ROBO3: variants seen among roughly 807,000 people sequenced by gnomAD.
ROBO3 encodes the protein roundabout homolog 3.
In ROBO3, 97 loss-of-function variants were observed where a neutral mutation model predicts 160.5. The observed-to-expected ratio is 0.60, with a 90% CI of 0.51 to 0.72. ROBO3 has a LOEUF of 0.72. ROBO3 is among the 30% of genes least tolerant of loss of function. The probability of loss-of-function intolerance (pLI) is 0.00; values close to 1 mark genes in which losing one functional copy is unlikely to be tolerated. For synonymous variants in ROBO3, 780 were observed against 746.2 expected, an observed-to-expected ratio of 1.05 and a Z score of -0.74; for missense variants, 1,858 against 1,846.5, an observed-to-expected ratio of 1.01 and a Z score of -0.11.
intron 6 of ROBO3, 47 bp downstream of exon 6, chr11:124,870,775 GAGA>G (rs758334462): frequency 8.1e-6 from 13 of 1,596,240 alleles, no homozygotes; most frequent in African/African-American, 1.3e-5. Flanking sequence ...GGTAGGAGGG[GAGA>G]AGGAGGATGG....
At position 124,871,000 on chromosome 11, in the gene ROBO3, C is replaced by T. The variant is rs1348035624; in HGVS notation, c.1034-14C>T. The T allele has an allele frequency of 6.2e-7, 1 of 1,601,542 alleles. No individual in the cohort carries two copies. Among genetic ancestry groups the T allele is most frequent in the East Asian group, 2.2e-5 (1 of 44,538 alleles). ...TCTGACTACCTGTTCCTTTTTCTCA[C>T]CTGCCCTTCCCAGTCCCACCCCAGT... is the stretch of plus-strand genomic sequence containing the variant. On this transcript the variant is annotated splice_polypyrimidine_tract_variant and intron_variant, in intron 6 of 27. Transcript: ENST00000397801.
At chr11:124,867,283 C>G (rs1002054282) in intron 1 of ROBO3, among the ~76,000 whole-genome samples, 1 of 152,202 alleles carries the variant, frequency 6.6e-6, no homozygotes, top group Non-Finnish European at 1.5e-5. Context: ...AGAGTAGTGA[C>G]GTTTATCCCC....
rs1348186711 is a variant in ROBO3, at chr11:124,872,698, C to T, written c.1330+146C>T. On this transcript the variant is annotated intron_variant, in intron 8 of 27. Transcript: ENST00000397801. This position sits in a 1 kb window ranked among gnomAD's most constrained non-coding sequence, Gnocchi z 4.3. ...CATGACCTTGAAGTTTGGAAACCAG[C>T]AGCAGAAGCCACTAATAATGGCTGG... 2.0e-6 allele frequency: 2 copies of T among 996,102 alleles called. No homozygotes were observed. The highest frequency in any genetic ancestry group is 5.6e-5 in the Admixed American group (2 of 35,852). 61.7% of individuals were successfully genotyped at this position (996,102 alleles called of 1,614,324 possible).
intron 17 of ROBO3, 154 bp from the exon 18 acceptor site, chr11:124,877,007 G>T: frequency 1.2e-6 from 1 of 855,040 alleles, no homozygotes; most frequent in South Asian, 1.4e-5. Context: ...CGACACCTGA[G>T]TCCCACCCCC....
chr11:124,877,437 A>C, intron 19 of ROBO3, 82 bp from the exon 20 acceptor site: 2 of 1,591,918 alleles, frequency 1.3e-6, no homozygotes, highest in Non-Finnish European at 8.6e-7. Flanking sequence ...ACTGTCCTGA[A>C]ACTCCCGAAT....
rs752675666 is a variant in ROBO3, at chr11:124,876,166, G to GT, written c.2593+41_2593+42insT. The GT allele has an allele frequency of 1.9e-6, 3 of 1,559,652 alleles. No homozygotes were observed. The South Asian group carries it at 3.5e-5, about 18-fold the overall frequency. The stretch of plus-strand genomic sequence containing the variant: ...GGCAGTGCTGAGGATCTTGACGGGG[G>GT]CGGGGCAAGCCCCCCACTGGGGTAG... On this transcript the variant is annotated intron_variant, in intron 16 of 27. Coordinates refer to ENST00000397801, the MANE Select transcript of ROBO3 (RefSeq NM_022370.4). The surrounding 1 kb of genome is among the most constrained non-coding windows in gnomAD (Gnocchi z 5.3).
In ROBO3 at chr11:124,876,045, G is replaced by C. The variant is rs2135335004; in HGVS notation, c.2513G>C (p.Gly838Ala). 1.1e-5 allele frequency: 18 copies of C among 1,608,802 alleles called. No individual in the cohort carries two copies. The highest frequency in any genetic ancestry group is 1.4e-5 in the Non-Finnish European group (17 of 1,178,276). The change falls in exon 16 of 28, where the codon GGT (glycine) becomes GCT (alanine). Residue 838 changes from glycine to alanine, a missense_variant. Coordinates refer to ENST00000397801, the MANE Select transcript of ROBO3 (RefSeq NM_022370.4). The surrounding 1 kb of genome is among the most constrained non-coding windows in gnomAD (Gnocchi z 5.3). ...RSAMLRGLVP[G>A]LLYRTLVAAA... ...GCAATGCTCCGAGGACTGGTGCCCG[G>C]TCTCCTCTATCGAACCCTGGTCGCG...
At position 124,876,304 on chromosome 11, in the gene ROBO3, GA is replaced by G; in HGVS notation, c.2624del (p.Glu875GlyfsTer129). The G allele has an allele frequency of 6.9e-7, 1 of 1,458,358 alleles. No homozygotes were observed. The highest frequency in any genetic ancestry group is 8.9e-7 in the Non-Finnish European group (1 of 1,118,262). 90.3% of individuals were successfully genotyped at this position (1,458,358 alleles called of 1,614,324 possible). A position where few individuals can be genotyped will look rare whatever the true frequency, so the allele number is the denominator to read the frequency against. On this transcript the variant is annotated frameshift_variant, in exon 17 of 28. Coordinates refer to ENST00000397801, the MANE Select transcript of ROBO3 (RefSeq NM_022370.4). LOFTEE classifies it high-confidence loss of function. This position sits in a 1 kb window ranked among gnomAD's most constrained non-coding sequence, Gnocchi z 5.3. ...PSPPDLEPGL[E>X]VGAGLAVRLA... is the part of the protein sequence containing the mutation. ...CCCGCCGGACCTGGAGCCCGGGCTG[GA>G]GGTGGGCGCGGGGCTGGCGGTGCGG...
Position 124,872,560 on chromosome 11 carries a change from C to T in ROBO3, c.1330+8C>T, listed in dbSNP as rs1946291262. The stretch of plus-strand genomic sequence containing the variant: ...TGCTGGAGATAAAAGGAGGTACGTG[C>T]CCATGGAGATAGGACTGGATCCATG... On this transcript the variant is annotated splice_region_variant and intron_variant, in intron 8 of 27. Transcript: ENST00000397801. This position sits in a 1 kb window ranked among gnomAD's most constrained non-coding sequence, Gnocchi z 4.3. 6.2e-7 allele frequency: 1 copy of T among 1,611,220 alleles called. No homozygotes were observed. The highest frequency in any genetic ancestry group is 8.5e-7 in the Non-Finnish European group (1 of 1,178,000).
intron 13 of ROBO3, 90 bp downstream of exon 13, chr11:124,874,999 G>A (rs1476496272): frequency 6.5e-7 from 1 of 1,530,432 alleles, no homozygotes; most frequent in Non-Finnish European, 8.8e-7. Context: ...AGTGGGAGGT[G>A]AGTGGCTGGG....
chr11:124,876,195 T>C lies in ROBO3; in HGVS notation c.2593+70T>C. On this transcript the variant is annotated intron_variant, in intron 16 of 27. Transcript: ENST00000397801. The surrounding 1 kb of genome is among the most constrained non-coding windows in gnomAD (Gnocchi z 5.3). ...GGCAAGCCCCCCACTGGGGTAGCTGTGCCTGCCGGGTCGGGAATGACCCTT... is the reference window on the plus strand; with the variant it reads ...GGCAAGCCCCCCACTGGGGTAGCTGCGCCTGCCGGGTCGGGAATGACCCTT... The C allele has an allele frequency of 6.5e-7, 1 of 1,527,518 alleles. No individual in the cohort carries two copies. Among genetic ancestry groups the C allele is most frequent in the Non-Finnish European group, 8.7e-7 (1 of 1,144,926 alleles). The allele number at this position is 1,527,518 out of a possible 1,614,324, so 94.6% of individuals were successfully genotyped here. A position where few individuals can be genotyped will look rare whatever the true frequency, so the allele number is the denominator to read the frequency against.
chr11:124,869,724 T>C lies in ROBO3; in HGVS notation c.645+117T>C, dbSNP rs1287193831. The C allele has an allele frequency of 9.2e-6, 12 of 1,303,604 alleles. No individual in the cohort carries two copies. Among genetic ancestry groups the C allele is most frequent in the East Asian group, 7.6e-5 (3 of 39,686 alleles). The allele number at this position is 1,303,604 out of a possible 1,614,324, so 80.8% of individuals were successfully genotyped here. The stretch of plus-strand genomic sequence containing the variant: ...CTAACCAGAGACTAAGAGTCAGCTA[T>C]ACAGTGAGGGATAAGGAAGACGGAA... On this transcript the variant is annotated intron_variant, in intron 3 of 27. Coordinates refer to ENST00000397801, the MANE Select transcript of ROBO3 (RefSeq NM_022370.4). This position sits in a 1 kb window ranked among gnomAD's most constrained non-coding sequence, Gnocchi z 4.2.
chr11:124,880,380 C>CT, intron 26 of ROBO3, 38 bp from the exon 27 acceptor site: 1 of 1,608,992 alleles, frequency 6.2e-7, no homozygotes, highest in South Asian at 1.1e-5. Context: ...GTTCTGCTTC[C>CT]TGCCTGCACC....
rs755651724 is a variant in ROBO3, at chr11:124,879,471, C to G, written c.3692C>G (p.Thr1231Ser). The G allele has an allele frequency of 1.9e-5, 31 of 1,613,748 alleles. No individual in the cohort carries two copies. The highest frequency in any genetic ancestry group is 2.4e-5 in the Non-Finnish European group (28 of 1,179,740). Residue 1231 changes from threonine to serine, a missense_variant, in exon 25 of 28, where the codon ACC (threonine) becomes AGC (serine). Physicochemically the swap from Thr to Ser is moderately conservative, Grantham distance 58 (BLOSUM62 1). Coordinates refer to ENST00000397801, the MANE Select transcript of ROBO3 (RefSeq NM_022370.4). ...PSTASSAPGRTWQGNGEMTPP... is the reference protein window; with the variant it reads ...PSTASSAPGRSWQGNGEMTPP... ...CCGTCTCCTAACACTGCAGGCAGAA[C>G]CTGGCAGGGGAATGGGGAGATGACT...
At position 124,870,061 on chromosome 11, in the gene ROBO3, G is replaced by A; in HGVS notation, c.759G>A (p.Met253Ile). 6.2e-7 allele frequency: 1 copy of A among 1,613,996 alleles called. No individual in the cohort carries two copies. Among genetic ancestry groups the A allele is most frequent in the Non-Finnish European group, 8.5e-7 (1 of 1,179,864 alleles). ...GERESAAAEV[M>I]VLERPSFLRR... ...GGGAGAGTGCGGCAGCTGAAGTCAT[G>A]GTACTGGGTAGGCACAGGGAATTTT... The change falls in exon 4 of 28, where the codon ATG (methionine) becomes ATA (isoleucine). Residue 253 changes from methionine to isoleucine, a missense_variant. Transcript: ENST00000397801.
At position 124,877,514 on chromosome 11, in the gene ROBO3, C is replaced by T. The variant is rs1429399545; in HGVS notation, c.2847-5C>T. The T allele has an allele frequency of 1.2e-6, 2 of 1,601,156 alleles. No individual in the cohort carries two copies. The highest frequency in any genetic ancestry group is 1.7e-5 in the Admixed American group (1 of 57,930). On this transcript the variant is annotated splice_polypyrimidine_tract_variant and splice_region_variant and intron_variant, in intron 19 of 27. Transcript: ENST00000397801. ...CGTCCCCAACGCTCACCTGCTCTCC[C>T]TCAGGCCACCCATGGGCCTTGGCCC...
Position 124,877,971 on chromosome 11 carries a change from C to G in ROBO3, c.3021C>G (p.Ala1007=). The change falls in exon 21 of 28, where the codon GCC becomes GCG. Residue 1007 remains alanine (A), a synonymous_variant. Coordinates refer to ENST00000397801, the MANE Select transcript of ROBO3 (RefSeq NM_022370.4). ...AGISLYLAQT[A]RGTAAPGEGP... is the part of the protein sequence containing the mutation. ...TCTCCCTGTATCTAGCTCAGACGGC[C>G]AGGGGCACGGCCGCCCCTGGCGAGG... The G allele has an allele frequency of 6.2e-7, 1 of 1,610,394 alleles. No homozygotes were observed. Among genetic ancestry groups the G allele is most frequent in the Non-Finnish European group, 8.5e-7 (1 of 1,178,422 alleles).
rs1339693377 is a variant in ROBO3, at chr11:124,877,162, C to T, written c.2781C>T (p.Ala927=). Residue 927 remains alanine, a splice_region_variant and synonymous_variant, in exon 18 of 28, where the codon GCC becomes GCT. Transcript: ENST00000397801. ...CTCCCACGGGTTCCTTTCTGGAAGC[C>T]TCTTTTGCCTACACACCGGCAGGTA... ...KQRKELSHYT[A]SFAYTPAVSF... 1 of 1,613,928 alleles carries T rather than the reference C, an allele frequency of 6.2e-7. No individual in the cohort carries two copies. The highest frequency in any genetic ancestry group is 8.5e-7 in the Non-Finnish European group (1 of 1,179,854).
rs754078655 is a variant in ROBO3, at chr11:124,879,321, G to C, written c.3665G>C (p.Ser1222Thr). ...SPHLSPSPAP[S>T]TASSAPGRTW... ...CACCTCAGCCCCAGTCCTGCCCCTA[G>C]CACAGCCAGCAGTGCCCCAGGTAAG... Residue 1222 changes from serine to threonine, a missense_variant, in exon 24 of 28, where the codon AGC (serine) becomes ACC (threonine). Transcript: ENST00000397801. The C allele has an allele frequency of 1.9e-6, 3 of 1,608,844 alleles. No homozygotes were observed. In the South Asian group the frequency reaches 3.3e-5, roughly 18 times the overall value.
Sources: gnomAD v4.1 joint callset for allele counts (sites outside exome capture counted in the v4.1 genomes callset) on GRCh38, gnomAD v4.1.1 for gene constraint, Gnocchi (gnomAD v3.1) non-coding constraint, MANE v1.5 for transcripts, NCBI Gene and HGNC (gene_info 2026-07-23, HGNC 2026-07-21) for gene names.